WDR11: variants seen among roughly 807,000 people sequenced by gnomAD.
WDR11 encodes WD repeat-containing protein 11.
Under a neutral mutation model 151.2 loss-of-function variants are expected in WDR11, and 83 were observed. That is an observed-to-expected ratio of 0.55 (90% CI 0.46 to 0.66). The LOEUF (loss-of-function observed/expected upper bound fraction) is 0.66, where lower values mean the gene tolerates loss of function less well. WDR11 is among the 30% of genes least tolerant of loss of function. The pLI is 0.00. For synonymous variants in WDR11, 484 were observed against 533.1 expected (o/e 0.91, Z 1.27); for missense variants, 1,301 against 1,480.9 (o/e 0.88, Z 1.99).
chr10:120,893,051 A>T (rs993749643), intron 19 of WDR11, among the ~76,000 whole-genome samples: 2 of 151,208 alleles, frequency 1.3e-5, no homozygotes, highest in African/African-American at 4.9e-5. Flanking sequence ...TTTAGGGTAC[A>T]TGTGCACAAC....
At position 120,905,312 on chromosome 10, in the gene WDR11, C is replaced by T; in HGVS notation, c.3194-7C>T. On this transcript the variant is annotated splice_region_variant and splice_polypyrimidine_tract_variant and intron_variant, in intron 25 of 28. Coordinates refer to ENST00000263461, the MANE Select transcript of WDR11 (RefSeq NM_018117.12). ...GTCACTTAAGGGGATGCGCTTTTGT[C>T]TTTCAGAGGGCGTTCAGTTGCTCTG... The T allele has an allele frequency of 6.2e-7, 1 of 1,613,874 alleles. No individual in the cohort carries two copies. Among genetic ancestry groups the T allele is most frequent in the Non-Finnish European group, 8.5e-7 (1 of 1,179,976 alleles).
At position 120,904,732 on chromosome 10, in the gene WDR11, TACTGTC is replaced by T; in HGVS notation, c.3117_3122del (p.Val1040_Thr1041del). On this transcript the variant is annotated inframe_deletion, in exon 25 of 29. Transcript: ENST00000263461. The stretch of plus-strand genomic sequence containing the variant: ...ATTCACTGAAAGCCTGTTTAGTCAC[TACTGTC>T]ACCTCGTCAGGCCCCTCTCAGAGCA... The T allele has an allele frequency of 6.2e-7, 1 of 1,614,178 alleles. No individual in the cohort carries two copies. Among genetic ancestry groups the T allele is most frequent in the Non-Finnish European group, 8.5e-7 (1 of 1,180,028 alleles).
At chr10:120,879,428 C>T (rs2133772731) in intron 12 of WDR11, 1 of 152,164 alleles carries the variant, frequency 6.6e-6, no homozygotes, top group South Asian at 2.1e-4. Flanking sequence ...CCTAATTTGC[C>T]AGCAGAATGG....
chr10:120,895,522 T>A (rs1590108344), intron 19 of WDR11, among the ~76,000 whole-genome samples: 2 of 151,484 alleles, frequency 1.3e-5, no homozygotes, highest in Admixed American at 6.6e-5. Context: ...AAAAAAAAAA[T>A]TCAAAGCAAA....
At chr10:120,865,885 C>CA in intron 7 of WDR11, 141 bp downstream of exon 7, 1 of 634,440 alleles carries the variant, frequency 1.6e-6, no homozygotes, top group East Asian at 2.8e-5. Context: ...TAATAAGAGG[C>CA]ATAAAAAGTA....
At chr10:120,852,488 T>C in intron 1 of WDR11, 36 bp from the exon 2 acceptor site, 2 of 1,577,550 alleles carry the variant, frequency 1.3e-6, no homozygotes, top group Non-Finnish European at 8.7e-7. Context: ...TCCTGCTTTG[T>C]TCTGTACTTA....
At chr10:120,859,278 T>C (rs1224882419) in intron 3 of WDR11, among the ~76,000 whole-genome samples, 5 of 150,574 alleles carry the variant, frequency 3.3e-5, no homozygotes, top group Non-Finnish European at 5.9e-5. Context: ...TTTTCTTTTT[T>C]TTTTTTTGAG....
chr10:120,867,127 C>A lies in WDR11; in HGVS notation c.1252C>A (p.Leu418Ile). The change falls in exon 9 of 29, where the codon CTA (leucine) becomes ATA (isoleucine). Residue 418 changes from leucine (L) to isoleucine (I), a missense_variant. This residue lies in a region of WDR11 where 692 missense variants were observed against 762.5 expected (regional missense o/e 0.91). Transcript: ENST00000263461. ...TTTCTGTGGAATTCCTGTAGGAGTG[C>A]TACAGAATAAACTCCCAGACCTTTC... ...VSFCGIPVGV[L>I]QNKLPDLSLD... is the part of the protein sequence containing the mutation. 1 of 1,613,790 alleles carries A rather than the reference C, an allele frequency of 6.2e-7. No homozygotes were observed. Among genetic ancestry groups the A allele is most frequent in the Non-Finnish European group, 8.5e-7 (1 of 1,179,888 alleles).
At chr10:120,883,976 C>A in intron 14 of WDR11, 88 bp downstream of exon 14, 2 of 1,075,506 alleles carry the variant, frequency 1.9e-6, no homozygotes, top group Non-Finnish European at 2.8e-6. Context: ...AAAATCATTA[C>A]TGCCAATGTC....
chr10:120,896,571 C>T (rs1590109661), intron 19 of WDR11, among the ~76,000 whole-genome samples: 1 of 152,144 alleles, frequency 6.6e-6, no homozygotes, highest in East Asian at 1.9e-4. Flanking sequence ...AAACACAGAA[C>T]TTCCCATTCA....
chr10:120,851,650 T>C, intron 1 of WDR11, 144 bp downstream of exon 1: 1 of 973,396 alleles, frequency 1.0e-6, no homozygotes, highest in African/African-American at 1.6e-5. Context: ...TGCTTTCAGT[T>C]GGTGGATTTT....
At position 120,883,805 on chromosome 10, in the gene WDR11, G is replaced by A; in HGVS notation, c.1765G>A (p.Asp589Asn). ...GCAGTATTTGGCAGTCGTATTCAGA[G>A]ATAAACCCCTGGAGCTATGGGATGT... ...LKQYLAVVFR[D>N]KPLELWDVRT... Residue 589 changes from aspartate (D) to asparagine (N), a missense_variant, in exon 14 of 29, where the codon GAT (aspartate) becomes AAT (asparagine). Coordinates refer to ENST00000263461, the MANE Select transcript of WDR11 (RefSeq NM_018117.12). 6.2e-7 allele frequency: 1 copy of A among 1,613,482 alleles called. No individual in the cohort carries two copies. Among genetic ancestry groups the A allele is most frequent in the African/African-American group, 1.3e-5 (1 of 74,992 alleles).
chr10:120,874,089 C>T (rs966486668), intron 11 of WDR11, among the ~76,000 whole-genome samples, 166 bp downstream of exon 11: 2 of 151,550 alleles, frequency 1.3e-5, no homozygotes, highest in African/African-American at 2.4e-5. Context: ...AGGATGATAA[C>T]TAATTCTTTG....
At chr10:120,878,712 T>G (rs1406808644) in intron 12 of WDR11, among the ~76,000 whole-genome samples, 1 of 152,204 alleles carries the variant, frequency 6.6e-6, no homozygotes, top group Non-Finnish European at 1.5e-5. Flanking sequence ...AAAAATAGGA[T>G]ACCGGTTCTA....
rs10886798 is a variant in WDR11, at chr10:120,904,876, C to T, written c.3193+65C>T. Reference sequence around the variant, plus strand: ...TGAGACCTTGTTCCCAGCAAAGTATCTGATTAGTAGGGACATTTCTTTCTC... The same window carrying T: ...TGAGACCTTGTTCCCAGCAAAGTATTTGATTAGTAGGGACATTTCTTTCTC... On this transcript the variant is annotated intron_variant, in intron 25 of 28. Coordinates refer to ENST00000263461, the MANE Select transcript of WDR11 (RefSeq NM_018117.12). 0.34 allele frequency: 541,513 copies of T among 1,575,114 alleles called. 94,632 individuals are homozygous for T. The highest frequency in any genetic ancestry group is 0.5 in the Admixed American group (29,640 of 59,878).
intron 16 of WDR11, among the ~76,000 whole-genome samples, chr10:120,887,525 A>G (rs949037024): frequency 2.0e-5 from 3 of 152,238 alleles, no homozygotes; most frequent in African/African-American, 7.2e-5. Context: ...ATGCTCTAGT[A>G]GAATGCCAAC....
intron 28 of WDR11, chr10:120,908,028 TG>T: frequency 3.0e-5 from 5 of 164,966 alleles, no homozygotes; most frequent in South Asian, 3.1e-4. Flanking sequence ...GTTCAGTGTA[TG>T]CATTTTGAGG....
intron 2 of WDR11, 77 bp from the exon 3 acceptor site, chr10:120,858,566 G>C: frequency 6.5e-7 from 1 of 1,545,446 alleles, no homozygotes; most frequent in Non-Finnish European, 8.9e-7. Flanking sequence ...TATGGGTTCT[G>C]GTTGATGTTT....
Position 120,866,769 on chromosome 10 carries a change from A to G in WDR11, c.1190+5A>G. On this transcript the variant is annotated splice_donor_5th_base_variant and intron_variant, in intron 8 of 28. Transcript: ENST00000263461. ...TAATCGAAATTCACGGAACAGGTAA[A>G]TGAATCAACAGGATCATGGTTTTGT... The G allele has an allele frequency of 1.9e-6, 3 of 1,614,114 alleles. No homozygotes were observed. The highest frequency in any genetic ancestry group is 2.5e-6 in the Non-Finnish European group (3 of 1,179,972).
Sources: allele counts gnomAD v4.1 joint callset (sites outside exome capture counted in the v4.1 genomes callset), GRCh38; gene constraint gnomAD v4.1.1; regional missense constraint gnomAD v4.1.1; transcripts MANE v1.5; gene names NCBI Gene and HGNC (gene_info 2026-07-23, HGNC 2026-07-21).